The following CDK20 variants were observed in gnomAD, a reference collection of about 807,000 sequenced individuals.
CDK20 encodes cyclin-dependent kinase 20.
A neutral mutation model predicts 38.6 loss-of-function variants in CDK20; 40 were observed. The observed-to-expected ratio is 1.04, with a 90% CI of 0.81 to 1.35. CDK20 has a LOEUF of 1.35. Ranked by LOEUF, CDK20 falls within the 40% of genes most tolerant of loss-of-function variation. The probability of loss-of-function intolerance (pLI) is 0.00; values close to 1 mark genes in which losing one functional copy is unlikely to be tolerated. For synonymous variants in CDK20, 209 were observed against 185.7 expected, an observed-to-expected ratio of 1.13 and a Z score of -1.02; for missense variants, 512 against 452.6, an observed-to-expected ratio of 1.13 and a Z score of -1.19.
chr9:87,967,009 C>CTAG lies in CDK20; in HGVS notation c.*450_*452dup. The CTAG allele has an allele frequency of 2.0e-6, 1 of 499,262 alleles. No individual in the cohort carries two copies. Among genetic ancestry groups the CTAG allele is most frequent in the Non-Finnish European group, 4.0e-6 (1 of 250,054 alleles). 30.9% of individuals were successfully genotyped at this position (499,262 alleles called of 1,614,324 possible). On this transcript the variant is annotated 3_prime_UTR_variant, in exon 8 of 8. Transcript: ENST00000325303. ...TAGAATCTATATCTCACATACTGAA[C>CTAG]TAGTGTTTAATGGCTCTGAGAATAA...
At chr9:87,974,339 C>T (rs767635493) in intron 1 of CDK20, 33 bp downstream of exon 1, 8 of 1,604,674 alleles carry the variant, frequency 5.0e-6, no homozygotes, top group African/African-American at 2.7e-5. Flanking sequence ...GGGGCACACC[C>T]CCGCCAGGCT....
At chr9:87,969,478 G>A (rs1217421270) in intron 6 of CDK20, 129 bp from the exon 7 acceptor site, 3 of 1,033,586 alleles carry the variant, frequency 2.9e-6, no homozygotes, top group African/African-American at 1.6e-5. Context: ...GTGTCTCCCT[G>A]ACCCATCATT....
At chr9:87,974,317 C>T in intron 1 of CDK20, 55 bp downstream of exon 1, 1 of 1,547,382 alleles carries the variant, frequency 6.5e-7, no homozygotes, top group Non-Finnish European at 8.9e-7. Context: ...GAGCGTTAGC[C>T]GGAGGGTGGC....
At position 87,967,261 on chromosome 9, in the gene CDK20, T is replaced by C; in HGVS notation, c.*201A>G. The C allele has an allele frequency of 4.3e-6, 3 of 702,936 alleles. No individual in the cohort carries two copies. Among genetic ancestry groups the C allele is most frequent in the South Asian group, 3.0e-5 (2 of 67,082 alleles). 43.5% of individuals were successfully genotyped at this position (702,936 alleles called of 1,614,324 possible). A position where few individuals can be genotyped will look rare whatever the true frequency, so the allele number is the denominator to read the frequency against. On this transcript the variant is annotated 3_prime_UTR_variant, in exon 8 of 8. Coordinates refer to ENST00000325303, the MANE Select transcript of CDK20 (RefSeq NM_001039803.3). ...AGCACAGGCCATGAATCTCCTCTGC[T>C]CGACTGGATGTTCTCATACTCTTGG...
rs1275000049 is a variant in CDK20, at chr9:87,970,836, C to G, written c.440G>C (p.Gly147Ala). 1 of 1,614,138 alleles carries G rather than the reference C, an allele frequency of 6.2e-7. No homozygotes were observed. The highest frequency in any genetic ancestry group is 8.5e-7 in the Non-Finnish European group (1 of 1,180,026). ...GTCTGGGGAAAAGACTCGAGCCAGG[C>G]CAAAGTCCGCTATCTTGAGCTGGCC... Reference protein sequence around the residue: ...ASGQLKIADFGLARVFSPDGS... With the variant: ...ASGQLKIADFALARVFSPDGS... The change falls in exon 4 of 8, where the codon GGC becomes GCC. Residue 147 changes from glycine (G) to alanine (A), a missense_variant. Coordinates refer to ENST00000325303, the MANE Select transcript of CDK20 (RefSeq NM_001039803.3).
At position 87,969,175 on chromosome 9, in the gene CDK20, C is replaced by T. The variant is rs1829666565; in HGVS notation, c.843+19G>A. On this transcript the variant is annotated intron_variant, in intron 7 of 7. Transcript: ENST00000325303. ...GGGAGGGGAGCTGAAGGAGCAGAGA[C>T]TACAGCCTCTCCCCCTACCTTGGAA... The T allele has an allele frequency of 6.2e-7, 1 of 1,612,398 alleles. No individual in the cohort carries two copies. Among genetic ancestry groups the T allele is most frequent in the African/African-American group, 1.3e-5 (1 of 74,872 alleles).
At position 87,970,875 on chromosome 9, in the gene CDK20, A is replaced by T; in HGVS notation, c.401T>A (p.Leu134His). 1 of 1,614,146 alleles carries T rather than the reference A, an allele frequency of 6.2e-7. No individual in the cohort carries two copies. Among genetic ancestry groups the T allele is most frequent in the Non-Finnish European group, 8.5e-7 (1 of 1,180,032 alleles). The part of the protein sequence containing the change: ...VHRDLKPANL[L>H]ISASGQLKIA... The stretch of plus-strand genomic sequence containing the variant: ...CTTGAGCTGGCCTGAGGCGCTGATG[A>T]GCAGGTTGGCAGGTTTCAGGTCCTG... The change falls in exon 4 of 8, where the codon CTC becomes CAC. Residue 134 changes from leucine to histidine, a missense_variant. Physicochemically the swap from Leu to His is moderately conservative, Grantham distance 99. Transcript: ENST00000325303.
At chr9:87,971,126 C>A (rs1385016140) in intron 3 of CDK20, 21 bp downstream of exon 3, 1 of 1,608,102 alleles carries the variant, frequency 6.2e-7, no homozygotes, top group Non-Finnish European at 8.5e-7. Context: ...GACCCCATGC[C>A]CGGCCTATGC....
intron 5 of CDK20, chr9:87,970,133 G>C: frequency 2.0e-6 from 1 of 492,792 alleles, no homozygotes; most frequent in South Asian, 4.5e-5. Flanking sequence ...GGAGACTCCT[G>C]CTCTAGGACA....
Position 87,969,828 on chromosome 9 carries a change from T to G in CDK20, c.655A>C (p.Ile219Leu), listed in dbSNP as rs1299372843. The change falls in exon 6 of 8, where the codon ATC becomes CTC. Residue 219 changes from isoleucine to leucine, a missense_variant. Physicochemically the swap from Ile to Leu is conservative, Grantham distance 5. Coordinates refer to ENST00000325303, the MANE Select transcript of CDK20 (RefSeq NM_001039803.3). The part of the protein sequence containing the change: ...DIEQLCYVLR[I>L]LGTPNPQVWP... ...ACTTGAGGGTTTGGGGTGCCCAAGA[T>G]GCGAAGCACATAGCAAAGCTGTTCA... is the stretch of plus-strand genomic sequence containing the variant. 6.2e-7 allele frequency: 1 copy of G among 1,613,624 alleles called. No homozygotes were observed. Among genetic ancestry groups the G allele is most frequent in the South Asian group, 1.1e-5 (1 of 91,030 alleles).
rs773843473 is a variant in CDK20, at chr9:87,970,897, C to T, written c.379G>A (p.Asp127Asn). Residue 127 changes from aspartate (D) to asparagine (N), a missense_variant and splice_region_variant, in exon 4 of 8, where the codon GAC (aspartate) becomes AAC (asparagine). Transcript: ENST00000325303. Reference protein sequence around the residue: ...FCHANNIVHRDLKPANLLISA... With the variant: ...FCHANNIVHRNLKPANLLISA... ...ATGAGCAGGTTGGCAGGTTTCAGGT[C>T]CTGGGAGTACCAAAAGAAGCATCAG... 1.2e-6 allele frequency: 2 copies of T among 1,614,126 alleles called. No homozygotes were observed. Among genetic ancestry groups the T allele is most frequent in the Non-Finnish European group, 1.7e-6 (2 of 1,180,000 alleles).
At chr9:87,972,186 CAG>C (rs1491090298) in intron 2 of CDK20, among the ~76,000 whole-genome samples, 108 of 152,106 alleles carry the variant, frequency 7.1e-4, no homozygotes, top group Non-Finnish European at 1.3e-3. Flanking sequence ...GCCTGGGTGA[CAG>C]AGTGAGACCC....
At chr9:87,970,204 C>T (rs557787107) in intron 5 of CDK20, 4 of 444,232 alleles carry the variant, frequency 9.0e-6, no homozygotes, top group Admixed American at 3.9e-5. Flanking sequence ...TGCCAACTAT[C>T]TTCTTGCTGC....
chr9:87,968,232 T>C (rs1275397489), intron 7 of CDK20: 3 of 153,016 alleles, frequency 2.0e-5, no homozygotes, highest in Non-Finnish European at 4.4e-5. Context: ...AGGAGGGCCC[T>C]GGCAGAGAAG....
intron 2 of CDK20, 22 bp downstream of exon 2, chr9:87,973,900 A>T (rs1587631152): frequency 6.2e-7 from 1 of 1,606,380 alleles, no homozygotes. Flanking sequence ...TGAGAATACC[A>T]TGCCCCCCCT....
In CDK20 at chr9:87,966,843, C is replaced by T. The variant is rs1210135742; in HGVS notation, c.*619G>A. ...CAGTGATGTGAAGTACACAGGAGTC[C>T]CTCAGGGCAAAAGTGGCTATGCCTG... On this transcript the variant is annotated 3_prime_UTR_variant, in exon 8 of 8. Coordinates refer to ENST00000325303, the MANE Select transcript of CDK20 (RefSeq NM_001039803.3). The T allele has an allele frequency of 5.6e-6, 2 of 359,340 alleles. No individual in the cohort carries two copies. The highest frequency in any genetic ancestry group is 4.3e-5 in the African/African-American group (2 of 46,732). 22.3% of individuals were successfully genotyped at this position (359,340 alleles called of 1,614,324 possible).
chr9:87,974,470 C>T lies in CDK20; in HGVS notation c.-24G>A, dbSNP rs760739328. Reference sequence around the variant, plus strand: ...ATCCCGCTGCAGTCGTGGGCCTGTGCCCCTGTGCCCCTGAACTTCCAAACT... The same window carrying T: ...ATCCCGCTGCAGTCGTGGGCCTGTGTCCCTGTGCCCCTGAACTTCCAAACT... On this transcript the variant is annotated 5_prime_UTR_variant, in exon 1 of 8. Coordinates refer to ENST00000325303, the MANE Select transcript of CDK20 (RefSeq NM_001039803.3). The T allele has an allele frequency of 6.9e-6, 11 of 1,597,236 alleles. No homozygotes were observed. Among genetic ancestry groups the T allele is most frequent in the Non-Finnish European group, 9.4e-6 (11 of 1,171,470 alleles).
At chr9:87,970,009 G>A in intron 5 of CDK20, 90 bp from the exon 6 acceptor site, 1 of 1,419,020 alleles carries the variant, frequency 7.0e-7, no homozygotes, top group Non-Finnish European at 9.4e-7. Context: ...GCACTCCAGG[G>A]CAAGGCCCCA....
rs1439227493 is a variant in CDK20, at chr9:87,969,826, G to T, written c.657C>A (p.Ile219=). The T allele has an allele frequency of 1.2e-6, 2 of 1,613,618 alleles. No individual in the cohort carries two copies. The highest frequency in any genetic ancestry group is 2.7e-5 in the African/African-American group (2 of 74,892). ...DIEQLCYVLR[I]LGTPNPQVWP... is the part of the protein sequence containing the mutation. ...AGACTTGAGGGTTTGGGGTGCCCAAGATGCGAAGCACATAGCAAAGCTGTT... is the reference window on the plus strand; with the variant it reads ...AGACTTGAGGGTTTGGGGTGCCCAATATGCGAAGCACATAGCAAAGCTGTT... The change falls in exon 6 of 8, where the codon ATC becomes ATA. Residue 219 remains isoleucine (I), a synonymous_variant. Transcript: ENST00000325303.
Sources: gnomAD v4.1 joint callset for allele counts (sites outside exome capture counted in the v4.1 genomes callset) on GRCh38, gnomAD v4.1.1 for gene constraint, MANE v1.5 for transcripts, NCBI Gene and HGNC (gene_info 2026-07-23, HGNC 2026-07-21) for gene names.